SP4: variants seen among roughly 807,000 people sequenced by gnomAD.
SP4 encodes transcription factor Sp4.
In SP4, 19 loss-of-function variants were observed where a neutral mutation model predicts 72.8. The ratio of observed to expected loss-of-function variants is 0.26; its 90% CI spans 0.18 to 0.38. The LOEUF (loss-of-function observed/expected upper bound fraction) is 0.38, where lower values mean the gene tolerates loss of function less well. Ranked by LOEUF, SP4 falls within the 10% of genes least tolerant of loss-of-function variation. The pLI is 1.00. For synonymous variants in SP4, 395 were observed against 333.1 expected, an observed-to-expected ratio of 1.19 and a Z score of -2.02; for missense variants, 1,008 against 926.3, an observed-to-expected ratio of 1.09 and a Z score of -1.14.
chr7:21,478,507 GTC>G (rs55818239), intron 4 of SP4, among the ~76,000 whole-genome samples: 80,073 of 151,834 alleles, frequency 0.53, 21,630 homozygotes, highest in Middle Eastern at 0.69. Context: ...GAAGGTTCCA[GTC>G]TCTCTAGATC....
At chr7:21,504,115 G>A (rs1205587927) in intron 5 of SP4, among the ~76,000 whole-genome samples, 2 of 152,132 alleles carry the variant, frequency 1.3e-5, no homozygotes, top group Non-Finnish European at 2.9e-5. Flanking sequence ...TTCGTCCAGG[G>A]AGGCTTGCTT....
At chr7:21,465,692 G>A (rs556230337) in intron 3 of SP4, among the ~76,000 whole-genome samples, 7 of 152,072 alleles carry the variant, frequency 4.6e-5, no homozygotes, top group Non-Finnish European at 1.0e-4. Flanking sequence ...GGACAACATA[G>A]CAAGACCTTG....
chr7:21,430,709 TTGCTGG>T lies in SP4; in HGVS notation c.1548_1553del (p.Gly517_Ala518del). ...CTTGCTCAGATTGCTCCTGTGGCTGTTGCTGGTGCCCCAATAACTTTGAATACTGCC... is the reference window on the plus strand; with the variant it reads ...CTTGCTCAGATTGCTCCTGTGGCTGTTGCCCCAATAACTTTGAATACTGCC... On this transcript the variant is annotated inframe_deletion, in exon 3 of 6. Transcript: ENST00000222584. 6.2e-7 allele frequency: 1 copy of T among 1,613,986 alleles called. No homozygotes were observed.
At chr7:21,451,702 T>C (rs190954187) in intron 3 of SP4, among the ~76,000 whole-genome samples, 2 of 152,216 alleles carry the variant, frequency 1.3e-5, no homozygotes, top group Admixed American at 1.3e-4. Context: ...CTCTTGGATA[T>C]TGAGAGGATG....
chr7:21,428,275 CCCCTCAGTCTCCTTCGCCGCCT>C lies in SP4; in HGVS notation c.7+23_7+44del. The C allele has an allele frequency of 6.8e-7, 1 of 1,473,796 alleles. No individual in the cohort carries two copies. The highest frequency in any genetic ancestry group is 9.3e-7 in the Non-Finnish European group (1 of 1,075,600). The allele number at this position is 1,473,796 out of a possible 1,614,324, so 91.3% of individuals were successfully genotyped here. A position where few individuals can be genotyped will look rare whatever the true frequency, so the allele number is the denominator to read the frequency against. On this transcript the variant is annotated intron_variant, in intron 1 of 5. Transcript: ENST00000222584. ...GGATGAGCGGTACGTATTCTCCACCCCCCTCAGTCTCCTTCGCCGCCTCCCTCTCTCCCTCCCTCCCCAGACC... is the reference window on the plus strand; with the variant it reads ...GGATGAGCGGTACGTATTCTCCACCCCCCTCTCTCCCTCCCTCCCCAGACC...
chr7:21,433,646 G>T (rs1782942242), intron 3 of SP4, among the ~76,000 whole-genome samples: 1 of 151,308 alleles, frequency 6.6e-6, no homozygotes, highest in Non-Finnish European at 1.5e-5. Flanking sequence ...GCATTTGTAA[G>T]ACACTAAGAG....
At chr7:21,439,795 G>A (rs1233390598) in intron 3 of SP4, among the ~76,000 whole-genome samples, 4 of 152,150 alleles carry the variant, frequency 2.6e-5, no homozygotes, top group Non-Finnish European at 5.9e-5. Context: ...CCACTCAGGT[G>A]GCTGAGGCAG....
chr7:21,483,720 C>T (rs1327514469), intron 5 of SP4, among the ~76,000 whole-genome samples: 2 of 151,772 alleles, frequency 1.3e-5, no homozygotes, highest in African/African-American at 2.4e-5. Flanking sequence ...CACCAATGCT[C>T]TTACTATATT....
At chr7:21,440,675 C>G (rs998657300) in intron 3 of SP4, among the ~76,000 whole-genome samples, 1 of 152,040 alleles carries the variant, frequency 6.6e-6, no homozygotes, top group East Asian at 1.9e-4. Context: ...CATGGTGAAA[C>G]CTGTCTCTAC....
intron 4 of SP4, among the ~76,000 whole-genome samples, chr7:21,481,137 A>G (rs998034116): frequency 3.9e-5 from 6 of 152,170 alleles, no homozygotes; most frequent in Non-Finnish European, 8.8e-5. Flanking sequence ...ATCATGCCAC[A>G]TCCAAGGTAG....
intron 3 of SP4, among the ~76,000 whole-genome samples, chr7:21,460,412 G>T (rs972395131): frequency 6.6e-6 from 1 of 151,800 alleles, no homozygotes; most frequent in Non-Finnish European, 1.5e-5. Flanking sequence ...TCGTGGTCTC[G>T]CTGGCTTCAG....
chr7:21,454,258 T>C (rs1264047516), intron 3 of SP4, among the ~76,000 whole-genome samples: 1 of 152,196 alleles, frequency 6.6e-6, no homozygotes, highest in Non-Finnish European at 1.5e-5. Flanking sequence ...AGACAAGTTG[T>C]CCAGTTAAGA....
intron 3 of SP4, among the ~76,000 whole-genome samples, chr7:21,456,319 C>T (rs1238374027): frequency 6.6e-6 from 1 of 152,114 alleles, no homozygotes; most frequent in Admixed American, 6.5e-5. Flanking sequence ...AAAACTTGGC[C>T]CTGGGGCATT....
rs554933647 is a variant in SP4, at chr7:21,504,018, G to A, written c.2108-7004G>A. Among the ~76,000 whole-genome samples the A allele has an allele frequency of 1.4e-4, 22 of 152,304 alleles. No individual in the cohort carries two copies. The East Asian group carries it at 4.1e-3, about 28-fold the overall frequency. On this transcript the variant is annotated intron_variant, in intron 5 of 5. Coordinates refer to ENST00000222584, the MANE Select transcript of SP4 (RefSeq NM_003112.5). ...CTTCAGTCTGAGTGACCCCTGTCCT[G>A]TCTAATTCTTCCTCCTCCTCTCTGG...
chr7:21,469,708 A>AT (rs1384495198), intron 3 of SP4, among the ~76,000 whole-genome samples: 17 of 151,540 alleles, frequency 1.1e-4, no homozygotes, highest in Admixed American at 5.3e-4. Flanking sequence ...CACCCGGCTA[A>AT]TTTTTTTGTA....
chr7:21,441,069 C>T (rs924921347), intron 3 of SP4, among the ~76,000 whole-genome samples: 3 of 152,088 alleles, frequency 2.0e-5, no homozygotes, highest in East Asian at 1.9e-4. Context: ...AGAGTTTATA[C>T]GTAAGTACTG....
intron 3 of SP4, among the ~76,000 whole-genome samples, chr7:21,441,890 CAT>C (rs1783256026): frequency 6.6e-6 from 1 of 152,084 alleles, no homozygotes. Flanking sequence ...TGAAGTGAGA[CAT>C]GTTTTCTGCC....
chr7:21,476,031 G>C (rs1055489022), intron 3 of SP4, among the ~76,000 whole-genome samples: 2 of 152,064 alleles, frequency 1.3e-5, no homozygotes, highest in African/African-American at 4.8e-5. Flanking sequence ...AGCACTTTGG[G>C]AGGCCAAAGC....
intron 3 of SP4, among the ~76,000 whole-genome samples, chr7:21,441,030 C>G (rs1019355610): frequency 2.6e-5 from 4 of 152,098 alleles, no homozygotes; most frequent in Admixed American, 2.0e-4. Context: ...ATACATGAAA[C>G]CATTATATGG....
Sources: allele counts gnomAD v4.1 joint callset (sites outside exome capture counted in the v4.1 genomes callset), GRCh38; gene constraint gnomAD v4.1.1; transcripts MANE v1.5; gene names NCBI Gene and HGNC (gene_info 2026-07-23, HGNC 2026-07-21).